STK33: variants seen among roughly 807,000 people sequenced by gnomAD.
STK33 encodes the protein serine/threonine kinase 33.
Under a neutral mutation model 58.0 loss-of-function variants are expected in STK33, and 52 were observed. The observed-to-expected ratio is 0.90, with a 90% confidence interval of 0.72 to 1.13. The LOEUF (loss-of-function observed/expected upper bound fraction) is 1.13, where lower values mean the gene tolerates loss of function less well. Among genes scored for constraint, STK33 ranks in the 50% most tolerant of loss-of-function variants. The pLI is 0.00. For synonymous variants in STK33, 215 were observed against 200.1 expected (o/e 1.07, Z -0.63); for missense variants, 630 against 604.2 (o/e 1.04, Z -0.45).
chr11:8,475,442 T>C (rs1949178301), intron 4 of STK33: 1 of 152,216 alleles, frequency 6.6e-6, no homozygotes, highest in Admixed American at 6.5e-5. Flanking sequence ...TTGTGGTTTT[T>C]AAAAAGGCTT....
intron 15 of STK33, among the ~76,000 whole-genome samples, chr11:8,399,065 G>C (rs1028808369): frequency 3.3e-5 from 5 of 152,148 alleles, no homozygotes; most frequent in African/African-American, 1.2e-4. Context: ...CAACGAGACA[G>C]AAAGTTAAAA....
the STK33 span, among the ~76,000 whole-genome samples, chr11:8,360,642 C>A: frequency 2.0e-5 from 3 of 152,358 alleles, no homozygotes; most frequent in African/African-American, 7.2e-5. Flanking sequence ...CTCTTCCAGG[C>A]TCATTCCTGC....
At chr11:8,582,261 T>G (rs1004282409) in intron 1 of STK33, among the ~76,000 whole-genome samples, 6 of 152,224 alleles carry the variant, frequency 3.9e-5, no homozygotes, top group African/African-American at 1.4e-4. Flanking sequence ...TAGCTTGATA[T>G]TTTTTAACAA....
the STK33 span, among the ~76,000 whole-genome samples, chr11:8,375,963 G>A: frequency 6.6e-6 from 1 of 152,198 alleles, no homozygotes; most frequent in Admixed American, 6.5e-5. Context: ...CTAGCCAGGA[G>A]AGTTGGGAAA....
chr11:8,348,564 C>T, the STK33 span, among the ~76,000 whole-genome samples: 11,131 of 152,236 alleles, frequency 0.073, 450 homozygotes, highest in African/African-American at 0.094. Context: ...AACTACAATT[C>T]AAGATGAGAT....
At chr11:8,396,328 T>A (rs972775193) in intron 15 of STK33, among the ~76,000 whole-genome samples, 1 of 152,234 alleles carries the variant, frequency 6.6e-6, no homozygotes, top group East Asian at 1.9e-4. Context: ...GATCTCAATA[T>A]GCAAATGTTT....
At chr11:8,418,559 T>C (rs145027033) in intron 14 of STK33, among the ~76,000 whole-genome samples, 1 of 152,186 alleles carries the variant, frequency 6.6e-6, no homozygotes, top group Non-Finnish European at 1.5e-5. Context: ...CATGTGCATA[T>C]GTGTTTATGG....
chr11:8,404,311 T>C (rs927602534), intron 15 of STK33, among the ~76,000 whole-genome samples: 1 of 152,214 alleles, frequency 6.6e-6, no homozygotes, highest in Non-Finnish European at 1.5e-5. Flanking sequence ...ATATACAGAA[T>C]ACACATATCT....
At chr11:8,515,174 A>G (rs1490735778) in intron 1 of STK33, among the ~76,000 whole-genome samples, 1 of 152,188 alleles carries the variant, frequency 6.6e-6, no homozygotes, top group Non-Finnish European at 1.5e-5. Context: ...ACAAACTCTT[A>G]GCTATACTAA....
At chr11:8,499,694 G>A (rs1951358164) in intron 1 of STK33, among the ~76,000 whole-genome samples, 1 of 152,126 alleles carries the variant, frequency 6.6e-6, no homozygotes, top group African/African-American at 2.4e-5. Flanking sequence ...ATGACAAACT[G>A]GATAAAGAAA....
intron 14 of STK33, among the ~76,000 whole-genome samples, chr11:8,428,270 G>A (rs1327050007): frequency 6.6e-6 from 1 of 152,156 alleles, no homozygotes; most frequent in African/African-American, 2.4e-5. Context: ...GTGCTGCTCC[G>A]ACTTTATTAC....
intron 1 of STK33, among the ~76,000 whole-genome samples, chr11:8,592,729 A>G (rs1465099725): frequency 6.6e-6 from 1 of 152,116 alleles, no homozygotes; most frequent in Non-Finnish European, 1.5e-5. Flanking sequence ...GGTCATGTAC[A>G]TGGTCACCCA....
chr11:8,421,523 A>G (rs1941920216), intron 14 of STK33, among the ~76,000 whole-genome samples: 1 of 152,164 alleles, frequency 6.6e-6, no homozygotes, highest in Non-Finnish European at 1.5e-5. Flanking sequence ...ACATAGCTTT[A>G]TAAGTCTTAA....
At chr11:8,419,412 G>A (rs531702718) in intron 14 of STK33, among the ~76,000 whole-genome samples, 18 of 152,126 alleles carry the variant, frequency 1.2e-4, no homozygotes, top group East Asian at 7.7e-4. Flanking sequence ...TCTTATTTCT[G>A]GGCTCTCTAT....
chr11:8,430,314 A>G (rs1590990138), intron 14 of STK33, among the ~76,000 whole-genome samples: 1 of 152,088 alleles, frequency 6.6e-6, no homozygotes, highest in East Asian at 1.9e-4. Context: ...CGACTCCTAC[A>G]TGAATTTCTA....
the STK33 span, among the ~76,000 whole-genome samples, chr11:8,383,120 G>A: frequency 0.028 from 4,243 of 152,284 alleles, 123 homozygotes; most frequent in East Asian, 0.11. Context: ...TGGGGGTGAC[G>A]GGCCACACTT....
At chr11:8,367,014 G>A in the STK33 span, among the ~76,000 whole-genome samples, 1 of 152,198 alleles carries the variant, frequency 6.6e-6, no homozygotes. Flanking sequence ...TGTGTAAAAA[G>A]AATACATCCA....
intron 15 of STK33, among the ~76,000 whole-genome samples, chr11:8,412,605 T>G (rs1940449357): frequency 6.6e-6 from 1 of 152,210 alleles, no homozygotes; most frequent in South Asian, 2.1e-4. Context: ...TGGCAGTCCC[T>G]CTCTGCACTC....
chr11:8,563,775 A>G (rs1957268357), intron 1 of STK33, among the ~76,000 whole-genome samples: 2 of 152,174 alleles, frequency 1.3e-5, no homozygotes, highest in South Asian at 2.1e-4. Context: ...AAGAGGTATG[A>G]CTATATTGGG....
Sources: gnomAD v4.1 joint callset for allele counts (sites outside exome capture counted in the v4.1 genomes callset) on GRCh38, gnomAD v4.1.1 for gene constraint, MANE v1.5 for transcripts, NCBI Gene and HGNC (gene_info 2026-07-23, HGNC 2026-07-21) for gene names.